Variants in SGMS1 observed in about 807,000 individuals in gnomAD.
SGMS1 encodes phosphatidylcholine:ceramide cholinephosphotransferase 1.
SGMS1 carries 13 observed loss-of-function variants against 46.2 expected under a neutral mutation model. The observed-to-expected ratio is 0.28, with a 90% CI of 0.18 to 0.45. SGMS1 has a LOEUF of 0.45. Among genes scored for constraint, SGMS1 ranks in the 20% least tolerant of loss-of-function variants. The pLI, the probability that SGMS1 is intolerant of heterozygous loss-of-function variation, is 1.00. For synonymous variants in SGMS1, 203 were observed against 187.8 expected (o/e 1.08, Z -0.66); for missense variants, 324 against 519.9 (o/e 0.62, Z 3.66).
chr10:50,466,697 T>C (rs527310091), intron 4 of SGMS1, among the ~76,000 whole-genome samples, 193 bp downstream of exon 4: 2 of 152,300 alleles, frequency 1.3e-5, no homozygotes, highest in South Asian at 4.1e-4. Flanking sequence ...TATAAATACA[T>C]ACTTGTTCAA....
chr10:50,400,628 A>AT (rs34715045), intron 6 of SGMS1, among the ~76,000 whole-genome samples: 3 of 151,684 alleles, frequency 2.0e-5, no homozygotes, highest in Middle Eastern at 3.4e-3. Flanking sequence ...TTAAAAAAAA[A>AT]TTTTTTTACA....
In SGMS1 at chr10:50,368,449, C is replaced by T. The variant is rs370656204; in HGVS notation, c.-231-24104G>A. On this transcript the variant is annotated intron_variant, in intron 6 of 10. Transcript: ENST00000361781. ...TTGGCTTACTGCAACCCCTGCCTCT[C>T]GGGTTCAATCAATTCTCCTGACTCA... Among the ~76,000 whole-genome samples, 6 of 152,292 alleles carry T rather than the reference C, an allele frequency of 3.9e-5. No homozygotes were observed. The East Asian group carries it at 7.7e-4, about 20-fold the overall frequency.
intron 5 of SGMS1, among the ~76,000 whole-genome samples, chr10:50,444,692 T>C (rs545942292): frequency 2.0e-4 from 30 of 149,000 alleles, no homozygotes; most frequent in African/African-American, 7.3e-4. Flanking sequence ...GGAGTTCATA[T>C]CCATCCTGGG....
At chr10:50,563,080 A>G (rs1277373498) in intron 2 of SGMS1, among the ~76,000 whole-genome samples, 3 of 152,242 alleles carry the variant, frequency 2.0e-5, no homozygotes, top group African/African-American at 7.2e-5. Context: ...CCTAGAGAGC[A>G]TGAGAGCAGT....
intron 3 of SGMS1, among the ~76,000 whole-genome samples, chr10:50,505,151 G>C (rs2133763396): frequency 6.6e-6 from 1 of 152,338 alleles, no homozygotes; most frequent in Non-Finnish European, 1.5e-5. Flanking sequence ...GGGAGGTAGA[G>C]GCTGAAGTGT....
At chr10:50,567,415 T>G (rs764337351) in intron 2 of SGMS1, among the ~76,000 whole-genome samples, 1 of 152,200 alleles carries the variant, frequency 6.6e-6, no homozygotes, top group Non-Finnish European at 1.5e-5. Flanking sequence ...ATGAGCCAAA[T>G]GCAACCCACA....
intron 6 of SGMS1, among the ~76,000 whole-genome samples, chr10:50,392,830 T>C (rs1848793201): frequency 6.6e-6 from 1 of 152,160 alleles, no homozygotes; most frequent in East Asian, 1.9e-4. Context: ...TCCAGAAAGT[T>C]GATTGTTAAT....
At chr10:50,625,130 G>A (rs1015475161), upstream of SGMS1, 1 of 920,156 alleles carries the variant, frequency 1.1e-6, no homozygotes, top group Non-Finnish European at 1.3e-6. Flanking sequence ...GGCTTGCCCA[G>A]AGGACAGGTT....
chr10:50,438,692 A>T (rs567246323), intron 5 of SGMS1, among the ~76,000 whole-genome samples: 1 of 152,302 alleles, frequency 6.6e-6, no homozygotes, highest in Non-Finnish European at 1.5e-5. Flanking sequence ...CATGTCCCTG[A>T]TGTCACCACA....
chr10:50,460,418 A>C (rs145146149), intron 5 of SGMS1, among the ~76,000 whole-genome samples: 92 of 152,326 alleles, frequency 6.0e-4, no homozygotes, highest in African/African-American at 1.9e-3. Context: ...ATGTGACAAG[A>C]GTCTAATGTC....
chr10:50,373,958 T>C (rs1308392038), intron 6 of SGMS1, among the ~76,000 whole-genome samples: 2 of 152,210 alleles, frequency 1.3e-5, no homozygotes, highest in African/African-American at 4.8e-5. Context: ...CTGTTCATTA[T>C]AAGAATTTGA....
intron 2 of SGMS1, among the ~76,000 whole-genome samples, chr10:50,529,926 T>C (rs950135415): frequency 2.1e-4 from 32 of 152,090 alleles, no homozygotes; most frequent in African/African-American, 7.7e-4. Flanking sequence ...TCCCACACCA[T>C]AAAAGAGGAG....
At chr10:50,444,175 A>G (rs1397482661) in intron 5 of SGMS1, among the ~76,000 whole-genome samples, 2 of 152,186 alleles carry the variant, frequency 1.3e-5, no homozygotes, top group African/African-American at 4.8e-5. Context: ...CATTTAATTA[A>G]AAGGCAGAAA....
At chr10:50,396,299 T>C (rs1376161496) in intron 6 of SGMS1, among the ~76,000 whole-genome samples, 2 of 152,154 alleles carry the variant, frequency 1.3e-5, no homozygotes, top group African/African-American at 4.8e-5. Flanking sequence ...TTATCTTAAG[T>C]CCAGGTATTC....
At chr10:50,573,989 G>A (rs970195577) in intron 2 of SGMS1, among the ~76,000 whole-genome samples, 3 of 152,138 alleles carry the variant, frequency 2.0e-5, no homozygotes, top group African/African-American at 7.2e-5. Context: ...GAATGGAATT[G>A]AACCATGTCT....
At chr10:50,418,751 T>G (rs1310189791) in intron 6 of SGMS1, among the ~76,000 whole-genome samples, 1 of 152,158 alleles carries the variant, frequency 6.6e-6, no homozygotes, top group South Asian at 2.1e-4. Flanking sequence ...TGCAAAGAGG[T>G]GGGACCTGGT....
intron 1 of SGMS1, among the ~76,000 whole-genome samples, chr10:50,598,798 A>C (rs1838620934): frequency 6.6e-6 from 1 of 152,214 alleles, no homozygotes; most frequent in African/African-American, 2.4e-5. Context: ...ATGAACAATG[A>C]AGCATGTGAT....
chr10:50,482,052 T>C (rs1214952766), intron 3 of SGMS1, among the ~76,000 whole-genome samples: 1 of 152,050 alleles, frequency 6.6e-6, no homozygotes, highest in Non-Finnish European at 1.5e-5. Flanking sequence ...CTGATTGGGG[T>C]ACCTAAAAGA....
At chr10:50,533,901 G>T (rs1306389410) in intron 2 of SGMS1, among the ~76,000 whole-genome samples, 1 of 152,096 alleles carries the variant, frequency 6.6e-6, no homozygotes, top group African/African-American at 2.4e-5. Flanking sequence ...ACCAAAAAAG[G>T]AAGTTGGGTA....
Sources: allele counts gnomAD v4.1 joint callset (sites outside exome capture counted in the v4.1 genomes callset), GRCh38; gene constraint gnomAD v4.1.1; transcripts MANE v1.5; gene names NCBI Gene and HGNC (gene_info 2026-07-23, HGNC 2026-07-21).